The following GLCCI1 variants were observed in gnomAD, a reference collection of about 807,000 sequenced individuals.
The protein encoded by GLCCI1 is glucocorticoid induced 1.
A neutral mutation model predicts 52.2 loss-of-function variants in GLCCI1; 24 were observed. That is an observed-to-expected ratio of 0.46 (90% CI 0.33 to 0.65). The LOEUF is 0.65. GLCCI1 is among the 30% of genes least tolerant of loss of function. GLCCI1 has a pLI of 0.02. For synonymous variants in GLCCI1, 310 were observed against 276.5 expected (o/e 1.12, Z -1.20); for missense variants, 704 against 701.5 (o/e 1.00, Z -0.04).
intron 3 of GLCCI1, among the ~76,000 whole-genome samples, chr7:8,034,396 T>C (rs1034801164): frequency 7.2e-5 from 11 of 152,248 alleles, no homozygotes; most frequent in East Asian, 5.8e-4. Context: ...TTAACACTTA[T>C]ACTTCAAAAT....
rs145999250 is a variant in GLCCI1 at position 8,021,134 on chromosome 7, T to G, written c.610-1349T>G. Among the ~76,000 whole-genome samples, 204 of 152,344 alleles carry G rather than the reference T, an allele frequency of 1.3e-3. 1 individual carries two copies. Among genetic ancestry groups the G allele is most frequent in the African/African-American group, 4.4e-3 (185 of 41,586 alleles). On this transcript the variant is annotated intron_variant, in intron 2 of 7. Transcript: ENST00000223145. ...TGTTAACGGTTTTTTTGAATATCAT[T>G]GCTTTTAAGACGTGGTGATTATTTT...
At chr7:8,035,306 G>A (rs926205369) in intron 3 of GLCCI1, among the ~76,000 whole-genome samples, 4 of 152,188 alleles carry the variant, frequency 2.6e-5, no homozygotes, top group Non-Finnish European at 5.9e-5. Flanking sequence ...CTCTTCAAGG[G>A]AGGAACAGGG....
At chr7:8,026,301 A>G (rs1413314747) in intron 3 of GLCCI1, among the ~76,000 whole-genome samples, 1 of 152,248 alleles carries the variant, frequency 6.6e-6, no homozygotes, top group Non-Finnish European at 1.5e-5. Flanking sequence ...AGGAATTAAA[A>G]TGGCATACTA....
At chr7:8,061,631 A>G (rs2127961165) in intron 5 of GLCCI1, among the ~76,000 whole-genome samples, 1 of 140,704 alleles carries the variant, frequency 7.1e-6, no homozygotes, top group African/African-American at 2.7e-5. Flanking sequence ...TTTGGACATC[A>G]TGGCATCTCT....
intron 1 of GLCCI1, among the ~76,000 whole-genome samples, chr7:7,985,627 T>C (rs527593686): frequency 3.1e-4 from 47 of 152,242 alleles, no homozygotes; most frequent in Non-Finnish European, 5.4e-4. Context: ...TATAGTGTTA[T>C]ATTTCCTTCT....
chr7:8,009,028 C>A (rs910292251), intron 2 of GLCCI1, among the ~76,000 whole-genome samples: 1 of 152,026 alleles, frequency 6.6e-6, no homozygotes, highest in African/African-American at 2.4e-5. Context: ...GTTAGTAATA[C>A]CCGATTTGCA....
intron 3 of GLCCI1, among the ~76,000 whole-genome samples, chr7:8,039,441 G>A (rs186854117): frequency 3.9e-5 from 6 of 152,136 alleles, no homozygotes; most frequent in African/African-American, 9.6e-5. Flanking sequence ...CACACACCAC[G>A]GAATACTATT....
intron 3 of GLCCI1, among the ~76,000 whole-genome samples, chr7:8,048,194 A>T: frequency 6.6e-6 from 1 of 152,040 alleles, no homozygotes; most frequent in East Asian, 1.9e-4. Context: ...GTCTTTGGAG[A>T]TCCCCTGTTC....
rs144011420 is a variant in GLCCI1, at chr7:8,052,301, T to G, written c.697-3132T>G. The stretch of plus-strand genomic sequence containing the variant: ...AGATGGCACCCTAGGGCAGGTTATC[T>G]TTAAATATTCAGAGTTTCTAACTAT... On this transcript the variant is annotated intron_variant, in intron 3 of 7. Coordinates refer to ENST00000223145, the MANE Select transcript of GLCCI1 (RefSeq NM_138426.4). 3.9e-3 allele frequency among the ~76,000 whole-genome samples: 589 copies of G among 152,350 alleles called. 3 individuals carry two copies. Among genetic ancestry groups the G allele is most frequent in the African/African-American group, 0.013 (546 of 41,580 alleles).
intron 1 of GLCCI1, among the ~76,000 whole-genome samples, chr7:7,992,127 C>A (rs1452196433): frequency 1.4e-5 from 2 of 145,028 alleles, no homozygotes; most frequent in African/African-American, 5.3e-5. Context: ...CTCTCTCTCT[C>A]TCATATATAT....
chr7:8,030,551 G>C (rs1367732154), intron 3 of GLCCI1, among the ~76,000 whole-genome samples: 1 of 152,074 alleles, frequency 6.6e-6, no homozygotes, highest in East Asian at 1.9e-4. Flanking sequence ...ATGACATCAA[G>C]TTAGAAAGCT....
chr7:7,995,929 A>G (rs754023719), intron 1 of GLCCI1, among the ~76,000 whole-genome samples: 3 of 152,200 alleles, frequency 2.0e-5, no homozygotes, highest in South Asian at 2.1e-4. Flanking sequence ...TTTAAGTTCA[A>G]TTAAAAAAAA....
At position 8,082,039 on chromosome 7, in the gene GLCCI1, C is replaced by G. The variant is rs1350601311; in HGVS notation, c.1178-2858C>G. On this transcript the variant is annotated intron_variant, in intron 6 of 7. Coordinates refer to ENST00000223145, the MANE Select transcript of GLCCI1 (RefSeq NM_138426.4). The stretch of plus-strand genomic sequence containing the variant: ...TCTCCGGAATACCAGAATGAGAAAA[C>G]TTACCATTACTGGTAAACAAGAGAG... 1.3e-5 allele frequency among the ~76,000 whole-genome samples: 2 copies of G among 152,214 alleles called. 1 individual carries two copies.
At chr7:8,040,693 G>A (rs994161391) in intron 3 of GLCCI1, among the ~76,000 whole-genome samples, 1 of 152,058 alleles carries the variant, frequency 6.6e-6, no homozygotes, top group African/African-American at 2.4e-5. Context: ...TTCTCAAAAA[G>A]GTAAACAGAA....
intron 6 of GLCCI1, among the ~76,000 whole-genome samples, chr7:8,076,705 A>G (rs1410869297): frequency 2.0e-5 from 3 of 152,200 alleles, no homozygotes; most frequent in Non-Finnish European, 4.4e-5. Flanking sequence ...ACCTGCATAT[A>G]TATTTCACTT....
intron 1 of GLCCI1, among the ~76,000 whole-genome samples, chr7:7,977,497 T>C (rs1054885714): frequency 6.6e-6 from 1 of 152,200 alleles, no homozygotes; most frequent in Admixed American, 6.5e-5. Flanking sequence ...AATGGTTCCA[T>C]AGACATGTCG....
At chr7:7,996,401 C>T (rs1039207015) in intron 1 of GLCCI1, among the ~76,000 whole-genome samples, 4 of 151,922 alleles carry the variant, frequency 2.6e-5, no homozygotes, top group African/African-American at 9.7e-5. Flanking sequence ...AAATCTTTTG[C>T]CATATATGTA....
At chr7:7,981,434 T>G (rs1780617386) in intron 1 of GLCCI1, among the ~76,000 whole-genome samples, 2 of 152,094 alleles carry the variant, frequency 1.3e-5, no homozygotes, top group Non-Finnish European at 2.9e-5. Context: ...GTGATTCTCC[T>G]CCCTTAGCCT....
At position 8,045,297 on chromosome 7, in the gene GLCCI1, C is replaced by T. The variant is rs181335169; in HGVS notation, c.697-10136C>T. ...GCACACTTACAGATGCACCCACACTCGCTCAGACTGGGACCATTTAGATAC... is the reference window on the plus strand; with the variant it reads ...GCACACTTACAGATGCACCCACACTTGCTCAGACTGGGACCATTTAGATAC... On this transcript the variant is annotated intron_variant, in intron 3 of 7. Transcript: ENST00000223145. 5.9e-5 allele frequency among the ~76,000 whole-genome samples: 9 copies of T among 152,250 alleles called. No homozygotes were observed. In the East Asian group the frequency reaches 1.3e-3, roughly 23 times the overall value.
Sources: allele counts gnomAD v4.1 joint callset (sites outside exome capture counted in the v4.1 genomes callset), GRCh38; gene constraint gnomAD v4.1.1; transcripts MANE v1.5; gene names NCBI Gene and HGNC (gene_info 2026-07-23, HGNC 2026-07-21).